MED13: variants seen among roughly 807,000 people sequenced by gnomAD.
MED13 encodes mediator complex subunit 13.
In MED13, 23 loss-of-function variants were observed where a neutral mutation model predicts 225.2. The ratio of observed to expected loss-of-function variants is 0.10; its 90% CI spans 0.07 to 0.14. The LOEUF is 0.14. Among genes scored for constraint, MED13 ranks in the 10% least tolerant of loss-of-function variants. MED13 has a pLI of 1.00. For missense variants in MED13, 2,197 were observed against 2,594.5 expected, an observed-to-expected ratio of 0.85 and a Z score of 3.33; for synonymous variants, 942 against 889.2, an observed-to-expected ratio of 1.06 and a Z score of -1.06.
chr17:62,004,148 A>G (rs2080423673), intron 9 of MED13: 1 of 152,224 alleles, frequency 6.6e-6, no homozygotes, highest in Non-Finnish European at 1.5e-5. Context: ...GTTTTAAAAT[A>G]GTATTTTAGG....
intron 2 of MED13, among the ~76,000 whole-genome samples, chr17:62,060,395 G>A (rs911662701): frequency 1.3e-5 from 2 of 152,054 alleles, no homozygotes; most frequent in African/African-American, 2.4e-5. Context: ...GGCCAAGGCT[G>A]GCGGATCACA....
intron 8 of MED13, among the ~76,000 whole-genome samples, chr17:62,026,257 T>C (rs1260188155): frequency 6.6e-6 from 1 of 152,206 alleles, no homozygotes; most frequent in Non-Finnish European, 1.5e-5. Context: ...TAAATAAATT[T>C]CTAAAGAATT....
rs962761354 is a variant in MED13 at position 61,968,204 on chromosome 17, T to G, written c.4022A>C (p.Asp1341Ala). The change falls in exon 18 of 30, where the codon GAT (aspartate) becomes GCT (alanine). Residue 1341 changes from aspartate to alanine, a missense_variant. Around this residue, in one of 12 missense-constraint regions of MED13, gnomAD observed 47 missense variants for 93.8 expected, o/e 0.50. Transcript: ENST00000397786. ...LPIPTFLLGY[D>A]YDYLVLSPFA... ...TGGAGAAAGCACCAGATAATCATAA[T>G]CATAACCCAACAAAAATGTGGGGAT... 1 of 1,613,974 alleles carries G rather than the reference T, an allele frequency of 6.2e-7. No homozygotes were observed. Among genetic ancestry groups the G allele is most frequent in the African/African-American group, 1.3e-5 (1 of 74,910 alleles).
chr17:62,056,284 ACAAC>A (rs1315714475), intron 2 of MED13, among the ~76,000 whole-genome samples: 6 of 152,202 alleles, frequency 3.9e-5, no homozygotes, highest in South Asian at 4.1e-4. Flanking sequence ...GTGAAATGGT[ACAAC>A]CAACCCACTC....
chr17:62,014,200 A>T (rs1430935193), intron 8 of MED13, among the ~76,000 whole-genome samples: 1 of 151,868 alleles, frequency 6.6e-6, no homozygotes, highest in Non-Finnish European at 1.5e-5. Context: ...TCTATGAAGT[A>T]CTCTTGCCAA....
intron 2 of MED13, 30 bp from the exon 3 acceptor site, chr17:62,052,735 T>C (rs2080967019): frequency 1.3e-6 from 2 of 1,510,668 alleles, no homozygotes; most frequent in Non-Finnish European, 1.8e-6. Context: ...AATAATAAAA[T>C]AGTGACACTA....
intron 2 of MED13, among the ~76,000 whole-genome samples, chr17:62,053,165 A>G (rs1171115825): frequency 6.6e-6 from 1 of 152,194 alleles, no homozygotes; most frequent in Non-Finnish European, 1.5e-5. Context: ...GTCCATCAGC[A>G]TTCTAATCCA....
chr17:61,996,672 T>G (rs1436149027), intron 9 of MED13, among the ~76,000 whole-genome samples: 1 of 152,184 alleles, frequency 6.6e-6, no homozygotes, highest in Non-Finnish European at 1.5e-5. Context: ...AGCCCATAAC[T>G]ACTTTATTTT....
In MED13 at chr17:61,982,374, G is replaced by C. The variant is rs773924748; in HGVS notation, c.3629C>G (p.Pro1210Arg). The C allele has an allele frequency of 1.2e-6, 2 of 1,614,162 alleles. No individual in the cohort carries two copies. Among genetic ancestry groups the C allele is most frequent in the Admixed American group, 3.3e-5 (2 of 60,024 alleles). The change falls in exon 16 of 30, where the codon CCT (proline) becomes CGT (arginine). Residue 1210 changes from proline (P) to arginine (R), a missense_variant. This residue lies in a region of MED13 where 203 missense variants were observed against 209.7 expected (regional missense o/e 0.97). Transcript: ENST00000397786. ...FSPFGAADQD[P>R]FPKSGVISNW... The stretch of plus-strand genomic sequence containing the variant: ...GCTAATTACACCACTTTTAGGAAAA[G>C]GATCTTGGTCTGCTGCTCCAAAGGG...
At position 61,965,519 on chromosome 17, in the gene MED13, T is replaced by C. The variant is rs564330221; in HGVS notation, c.4382-51A>G. 33 of 1,479,256 alleles carry C rather than the reference T, an allele frequency of 2.2e-5. 1 individual carries two copies. Among genetic ancestry groups the C allele is most frequent in the South Asian group, 1.3e-4 (10 of 76,404 alleles). 91.6% of individuals were successfully genotyped at this position (1,479,256 alleles called of 1,614,324 possible). On this transcript the variant is annotated intron_variant, in intron 19 of 29. Coordinates refer to ENST00000397786, the MANE Select transcript of MED13 (RefSeq NM_005121.3). ...TTTAATTCTTTATTTCACTGACTGG[T>C]TTTTTTAAATTCTACTGTGTAAACA...
chr17:61,981,943 TAATA>T (rs772820418), intron 16 of MED13, among the ~76,000 whole-genome samples: 3 of 152,354 alleles, frequency 2.0e-5, no homozygotes, highest in Non-Finnish European at 2.9e-5. Context: ...AATGTTATGC[TAATA>T]AATATATGGA....
chr17:62,000,908 G>A (rs1470354865), intron 9 of MED13, among the ~76,000 whole-genome samples: 2 of 151,890 alleles, frequency 1.3e-5, no homozygotes, highest in Admixed American at 6.6e-5. Flanking sequence ...GATTACAGGC[G>A]CCTGCCACCA....
rs1402764571 is a variant in MED13, at chr17:61,987,034, G to A, written c.2358C>T (p.Leu786=). Residue 786 remains leucine (L), a synonymous_variant, in exon 12 of 30, where the codon CTC becomes CTT. Transcript: ENST00000397786. ...LAVSYTDLDN[L]FNSDEDELTP... ...TTAGTTCATCTTCATCAGAATTGAA[G>A]AGATTATCAAGGTCAGTATAAGAGA... 1 of 1,592,172 alleles carries A rather than the reference G, an allele frequency of 6.3e-7. No homozygotes were observed. Among genetic ancestry groups the A allele is most frequent in the Non-Finnish European group, 8.5e-7 (1 of 1,169,658 alleles).
intron 26 of MED13, among the ~76,000 whole-genome samples, chr17:61,955,012 C>G (rs1362723226): frequency 2.6e-5 from 4 of 152,192 alleles, no homozygotes; most frequent in Non-Finnish European, 5.9e-5. Flanking sequence ...AAGGGATAAT[C>G]TGTTTCCTTG....
chr17:61,962,242 C>T (rs1455071610), intron 21 of MED13, among the ~76,000 whole-genome samples: 3 of 152,102 alleles, frequency 2.0e-5, no homozygotes, highest in South Asian at 2.1e-4. Context: ...GCCGAGATCA[C>T]GCCACTGCAC....
chr17:62,047,476 T>C (rs2080908754), intron 3 of MED13, among the ~76,000 whole-genome samples: 1 of 152,038 alleles, frequency 6.6e-6, no homozygotes, highest in South Asian at 2.1e-4. Flanking sequence ...ACACTGTATG[T>C]TCTCACTCAA....
Position 61,972,826 on chromosome 17 carries a change from G to C in MED13, c.3868C>G (p.Gln1290Glu). 6.2e-7 allele frequency: 1 copy of C among 1,613,884 alleles called. No individual in the cohort carries two copies. Among genetic ancestry groups the C allele is most frequent in the Non-Finnish European group, 8.5e-7 (1 of 1,179,932 alleles). The change falls in exon 17 of 30, where the codon CAG becomes GAG. Residue 1290 changes from glutamine to glutamate, a missense_variant. By Grantham distance (29) the Gln-to-Glu change is conservative (BLOSUM62 2). Around this residue, in one of 12 missense-constraint regions of MED13, gnomAD observed 203 missense variants for 209.7 expected, o/e 0.97. Coordinates refer to ENST00000397786, the MANE Select transcript of MED13 (RefSeq NM_005121.3). The part of the protein sequence containing the change: ...RMLLSLQPVL[Q>E]DAIQKKRTVR... ...GTTCTTTTTTTCTGAATGGCATCCTGAAGAACTGGCTGAAGAGAGAGGAGC... is the reference window on the plus strand; with the variant it reads ...GTTCTTTTTTTCTGAATGGCATCCTCAAGAACTGGCTGAAGAGAGAGGAGC...
At position 61,963,712 on chromosome 17, in the gene MED13, T is replaced by C. The variant is rs185134569; in HGVS notation, c.4845-741A>G. On this transcript the variant is annotated intron_variant, in intron 20 of 29. Coordinates refer to ENST00000397786, the MANE Select transcript of MED13 (RefSeq NM_005121.3). ...TTTTTTTACACTTCAAATCTATTCA[T>C]ATGTTCAAGATGAGTGTATCAATCT... 2.0e-5 allele frequency among the ~76,000 whole-genome samples: 3 copies of C among 152,336 alleles called. No individual in the cohort carries two copies. In the East Asian group the frequency reaches 5.8e-4, roughly 29 times the overall value.
chr17:62,056,241 G>C lies in MED13; in HGVS notation c.302-3536C>G, dbSNP rs1356434435. Among the ~76,000 whole-genome samples the C allele has an allele frequency of 2.0e-5, 3 of 150,916 alleles. No individual in the cohort carries two copies. In the East Asian group the frequency reaches 6.0e-4, roughly 30 times the overall value. ...TGACAATCTAATAACTGTAATAAAA[G>C]TACTTTCTACACGTTGTATTCAGAT... On this transcript the variant is annotated intron_variant, in intron 2 of 29. Transcript: ENST00000397786.
Sources: gnomAD v4.1 joint callset for allele counts (sites outside exome capture counted in the v4.1 genomes callset) on GRCh38, gnomAD v4.1.1 for gene constraint, gnomAD v4.1.1 regional missense constraint, MANE v1.5 for transcripts, NCBI Gene and HGNC (gene_info 2026-07-23, HGNC 2026-07-21) for gene names.